NBAS: variants seen among roughly 807,000 people sequenced by gnomAD.
NBAS encodes NAG/BC035112 fusion.
In NBAS, 219 loss-of-function variants were observed where a neutral mutation model predicts 302.5. The ratio of observed to expected loss-of-function variants is 0.72; its 90% CI spans 0.65 to 0.81. The LOEUF (loss-of-function observed/expected upper bound fraction) is 0.81. Among genes scored for constraint, NBAS ranks in the 30% least tolerant of loss-of-function variants. The pLI, the probability that NBAS is intolerant of heterozygous loss-of-function variation, is 0.00. For synonymous variants in NBAS, 1,118 were observed against 1,021.6 expected, an observed-to-expected ratio of 1.09 and a Z score of -1.80; for missense variants, 2,932 against 2,841.6, an observed-to-expected ratio of 1.03 and a Z score of -0.72.
At chr2:15,070,334 C>T in the NBAS span, among the ~76,000 whole-genome samples, 4 of 152,206 alleles carry the variant, frequency 2.6e-5, no homozygotes, top group Non-Finnish European at 5.9e-5. Context: ...CCTGGTCCCT[C>T]TTGTAACAAG....
chr2:15,523,985 T>G (rs1450971660), intron 9 of NBAS, among the ~76,000 whole-genome samples: 1 of 152,142 alleles, frequency 6.6e-6, no homozygotes, highest in Non-Finnish European at 1.5e-5. Flanking sequence ...TGAAAAAAGG[T>G]AACTAAGGTA....
chr2:14,779,117 G>T, the NBAS span, among the ~76,000 whole-genome samples: 2 of 152,158 alleles, frequency 1.3e-5, no homozygotes, highest in African/African-American at 4.8e-5. Flanking sequence ...TGAAAAGTAT[G>T]AAGGATCAGC....
the NBAS span, among the ~76,000 whole-genome samples, chr2:14,922,995 A>G: frequency 6.6e-6 from 1 of 152,142 alleles, no homozygotes; most frequent in Non-Finnish European, 1.5e-5. Flanking sequence ...TACTAAAAAT[A>G]CAAAAAATTA....
chr2:15,489,378 TA>T (rs1680762786), intron 11 of NBAS, among the ~76,000 whole-genome samples: 1 of 152,170 alleles, frequency 6.6e-6, no homozygotes, highest in Non-Finnish European at 1.5e-5. Flanking sequence ...GTCAATTCCT[TA>T]AAATTTGGGC....
the NBAS span, among the ~76,000 whole-genome samples, chr2:15,106,314 T>C: frequency 6.6e-6 from 1 of 152,152 alleles, no homozygotes; most frequent in Non-Finnish European, 1.5e-5. Flanking sequence ...GAAATCCTGC[T>C]CTGGGAACCC....
At chr2:14,799,880 G>A in the NBAS span, among the ~76,000 whole-genome samples, 76,259 of 151,974 alleles carry the variant, frequency 0.5, 20,934 homozygotes, top group African/African-American at 0.74. Flanking sequence ...CACTCCACTC[G>A]TCGTTTGTTT....
rs548627500 is a variant in NBAS at position 15,455,050 on chromosome 2, G to A, written c.2339+6151C>T. ...CCTAAGTAGCTGGGATTACAGGTGTGTGCCACCATGCCCGGCTAATTTTTG... is the reference window on the plus strand; with the variant it reads ...CCTAAGTAGCTGGGATTACAGGTGTATGCCACCATGCCCGGCTAATTTTTG... On this transcript the variant is annotated intron_variant, in intron 21 of 51. Coordinates refer to ENST00000281513, the MANE Select transcript of NBAS (RefSeq NM_015909.4). Among the ~76,000 whole-genome samples the A allele has an allele frequency of 5.9e-5, 9 of 152,114 alleles. No homozygotes were observed. In the South Asian group the frequency reaches 1.9e-3, roughly 32 times the overall value.
chr2:14,919,333 T>G, the NBAS span, among the ~76,000 whole-genome samples: 1 of 152,218 alleles, frequency 6.6e-6, no homozygotes, highest in African/African-American at 2.4e-5. Flanking sequence ...AAAAATAATT[T>G]AGTGCTAAAA....
intron 40 of NBAS, among the ~76,000 whole-genome samples, chr2:15,302,607 G>C (rs1301091635): frequency 6.6e-6 from 1 of 152,128 alleles, no homozygotes; most frequent in East Asian, 1.9e-4. Context: ...ATAGCATGAG[G>C]GCAGGAGAGC....
At chr2:15,322,704 A>G (rs1261214589) in intron 38 of NBAS, among the ~76,000 whole-genome samples, 6 of 152,194 alleles carry the variant, frequency 3.9e-5, no homozygotes, top group African/African-American at 1.4e-4. Context: ...CTACTTCTAA[A>G]CCAAAGTCAA....
At chr2:14,884,839 T>A in the NBAS span, among the ~76,000 whole-genome samples, 1 of 152,202 alleles carries the variant, frequency 6.6e-6, no homozygotes, top group Non-Finnish European at 1.5e-5. Context: ...TCAGAAGAGA[T>A]GCCTTTGAGC....
At chr2:15,007,741 G>C in the NBAS span, among the ~76,000 whole-genome samples, 974 of 152,236 alleles carry the variant, frequency 6.4e-3, 11 homozygotes, top group South Asian at 0.02. Context: ...GCTCTCACTA[G>C]GATGATAGTA....
rs1673393742 is a variant in NBAS, at chr2:15,352,198, G to A, written c.4090-117C>T. 1.6e-5 allele frequency: 12 copies of A among 729,704 alleles called. No individual in the cohort carries two copies. The Admixed American group carries it at 1.7e-4, about 10-fold the overall frequency. The allele number at this position is 729,704 out of a possible 1,614,324, so 45.2% of individuals were successfully genotyped here. A position where few individuals can be genotyped will look rare whatever the true frequency, so the allele number is the denominator to read the frequency against. On this transcript the variant is annotated intron_variant, in intron 34 of 51. Transcript: ENST00000281513. ...AAAAAGAAAATTACCTTTTCATAAT[G>A]ATTAGTTTTGGTAACAGGCTTACTT...
At chr2:14,890,038 T>G in the NBAS span, among the ~76,000 whole-genome samples, 1 of 152,234 alleles carries the variant, frequency 6.6e-6, no homozygotes, top group African/African-American at 2.4e-5. Flanking sequence ...ATTAACTACT[T>G]TAGCAATTTG....
intron 32 of NBAS, among the ~76,000 whole-genome samples, chr2:15,359,835 C>G (rs1040237263): frequency 6.6e-6 from 1 of 152,130 alleles, no homozygotes; most frequent in Non-Finnish European, 1.5e-5. Flanking sequence ...CAAAAAAATA[C>G]AGTCATGAGT....
the NBAS span, among the ~76,000 whole-genome samples, chr2:14,781,958 C>T: frequency 1.1e-4 from 17 of 152,234 alleles, no homozygotes; most frequent in African/African-American, 4.1e-4. Context: ...AATGATTTTG[C>T]TCCAACCCTG....
At chr2:14,992,745 C>A in the NBAS span, among the ~76,000 whole-genome samples, 1 of 152,164 alleles carries the variant, frequency 6.6e-6, no homozygotes, top group Non-Finnish European at 1.5e-5. Flanking sequence ...TGAGGAGCTG[C>A]AGAGGCTTTC....
At chr2:14,949,790 G>A in the NBAS span, among the ~76,000 whole-genome samples, 36 of 152,270 alleles carry the variant, frequency 2.4e-4, no homozygotes, top group Non-Finnish European at 3.8e-4. Context: ...AATAAGCCAA[G>A]TACAGAAAGG....
chr2:14,999,016 G>A, the NBAS span, among the ~76,000 whole-genome samples: 2 of 152,168 alleles, frequency 1.3e-5, no homozygotes, highest in African/African-American at 2.4e-5. Flanking sequence ...TCTTGGCTCT[G>A]CAAACTACAG....
Sources: gnomAD v4.1 joint callset for allele counts (sites outside exome capture counted in the v4.1 genomes callset) on GRCh38, gnomAD v4.1.1 for gene constraint, MANE v1.5 for transcripts, NCBI Gene and HGNC (gene_info 2026-07-23, HGNC 2026-07-21) for gene names.